Variants in TCF12 observed in about 807,000 individuals in gnomAD.
TCF12 encodes DNA-binding protein HTF4.
TCF12 carries 45 observed loss-of-function variants against 86.0 expected under a neutral mutation model. The observed-to-expected ratio is 0.52, with a 90% CI of 0.41 to 0.67. TCF12 has a LOEUF of 0.67. Ranked by LOEUF, TCF12 falls within the 30% of genes least tolerant of loss-of-function variation. TCF12 has a pLI of 0.00. For synonymous variants in TCF12, 330 were observed against 299.6 expected, an observed-to-expected ratio of 1.10 and a Z score of -1.05; for missense variants, 881 against 859.9, an observed-to-expected ratio of 1.02 and a Z score of -0.31.
intron 3 of TCF12, among the ~76,000 whole-genome samples, chr15:56,975,429 A>G (rs1399071916): frequency 6.6e-6 from 1 of 152,186 alleles, no homozygotes; most frequent in Non-Finnish European, 1.5e-5. Flanking sequence ...GAAGGAAAAT[A>G]TCTGTGAATG....
At chr15:57,189,398 A>T (rs1306041759) in intron 6 of TCF12, among the ~76,000 whole-genome samples, 1 of 152,230 alleles carries the variant, frequency 6.6e-6, no homozygotes, top group Admixed American at 6.5e-5. Flanking sequence ...AACAACAAGA[A>T]GATAACCCAG....
chr15:56,990,975 T>C (rs1234756282), intron 3 of TCF12, among the ~76,000 whole-genome samples: 3 of 151,946 alleles, frequency 2.0e-5, no homozygotes, highest in African/African-American at 7.3e-5. Context: ...TTAAATTTTT[T>C]TGTAGAGATG....
At position 57,253,304 on chromosome 15, in the gene TCF12, A is replaced by G. The variant is rs771298769; in HGVS notation, c.1303A>G (p.Ile435Val). 15 of 1,613,874 alleles carry G rather than the reference A, an allele frequency of 9.3e-6. No individual in the cohort carries two copies. Among genetic ancestry groups the G allele is most frequent in the African/African-American group, 2.7e-5 (2 of 74,892 alleles). ...EDRLDRLDDAIHVLRNHAVGP... is the reference protein window; with the variant it reads ...EDRLDRLDDAVHVLRNHAVGP... ...TCGTTTAGACAGACTGGATGATGCAATCCATGTGCTGCGGAACCATGCTGT... is the reference window on the plus strand; with the variant it reads ...TCGTTTAGACAGACTGGATGATGCAGTCCATGTGCTGCGGAACCATGCTGT... Residue 435 changes from isoleucine to valine, a missense_variant, in exon 16 of 21, where the codon ATC becomes GTC. Ile to Val is a conservative substitution (Grantham distance 29). Transcript: ENST00000333725.
chr15:56,980,091 G>A (rs1283195396), intron 3 of TCF12, among the ~76,000 whole-genome samples: 1 of 152,124 alleles, frequency 6.6e-6, no homozygotes, highest in African/African-American at 2.4e-5. Flanking sequence ...GAGCACGGTG[G>A]CTCATGCTTG....
chr15:56,996,616 G>A (rs1300320247), intron 3 of TCF12, among the ~76,000 whole-genome samples: 3 of 151,758 alleles, frequency 2.0e-5, no homozygotes, highest in Non-Finnish European at 2.9e-5. Context: ...AAAGCAGTTG[G>A]CAACTAAAAG....
At chr15:57,146,848 A>G (rs778550514) in intron 5 of TCF12, among the ~76,000 whole-genome samples, 5 of 152,196 alleles carry the variant, frequency 3.3e-5, no homozygotes, top group Admixed American at 6.5e-5. Flanking sequence ...AGATGGTGTA[A>G]CACACTGTTA....
intron 3 of TCF12, among the ~76,000 whole-genome samples, chr15:56,966,786 A>C (rs1346544422): frequency 6.6e-6 from 1 of 152,226 alleles, no homozygotes; most frequent in Non-Finnish European, 1.5e-5. Flanking sequence ...ATAATTATAA[A>C]TTAAGGTATC....
chr15:57,059,419 C>T (rs1215608777), intron 3 of TCF12, among the ~76,000 whole-genome samples: 1 of 152,134 alleles, frequency 6.6e-6, no homozygotes, highest in Non-Finnish European at 1.5e-5. Flanking sequence ...TGTATGCTGT[C>T]TCCCTGTTTC....
chr15:57,021,772 C>T (rs978028139), intron 3 of TCF12, among the ~76,000 whole-genome samples: 1 of 151,102 alleles, frequency 6.6e-6, no homozygotes, highest in East Asian at 1.9e-4. Context: ...AAGCGTGAAT[C>T]GAAAATACAG....
chr15:57,265,067 A>G (rs1017331650), intron 18 of TCF12, among the ~76,000 whole-genome samples: 8 of 139,470 alleles, frequency 5.7e-5, no homozygotes, highest in African/African-American at 2.2e-4. Flanking sequence ...CTCTAATGAT[A>G]AATAGTATAG....
chr15:57,123,594 A>G (rs538909716), intron 5 of TCF12, among the ~76,000 whole-genome samples: 16 of 151,656 alleles, frequency 1.1e-4, no homozygotes, highest in African/African-American at 3.4e-4. Flanking sequence ...GCTCACTGCA[A>G]CCTCAGCCTC....
chr15:57,104,435 C>A, intron 5 of TCF12, among the ~76,000 whole-genome samples: 1 of 103,342 alleles, frequency 9.7e-6, no homozygotes, highest in African/African-American at 3.4e-5. Flanking sequence ...TTTTTTTTTT[C>A]TTTTTTTTTT....
At chr15:57,162,702 G>A (rs560218781) in intron 5 of TCF12, among the ~76,000 whole-genome samples, 1 of 152,152 alleles carries the variant, frequency 6.6e-6, no homozygotes, top group African/African-American at 2.4e-5. Flanking sequence ...TAAAACTTTA[G>A]GTTTTTTAAA....
intron 4 of TCF12, among the ~76,000 whole-genome samples, chr15:57,082,184 CT>C (rs2048356331): frequency 6.6e-6 from 1 of 152,150 alleles, no homozygotes; most frequent in African/African-American, 2.4e-5. Context: ...TTCAAAAGTA[CT>C]GTCTTAGTGG....
chr15:57,033,351 A>G (rs2066317827), intron 3 of TCF12, among the ~76,000 whole-genome samples: 1 of 152,206 alleles, frequency 6.6e-6, no homozygotes, highest in Admixed American at 6.5e-5. Context: ...GAGAATTTAA[A>G]AAATAATTTT....
intron 18 of TCF12, among the ~76,000 whole-genome samples, chr15:57,264,304 G>A (rs1205475696): frequency 2.2e-5 from 3 of 137,132 alleles, no homozygotes; most frequent in Non-Finnish European, 4.6e-5. Context: ...AGGTTCAAGT[G>A]ATTCTCCTGC....
chr15:56,930,148 A>G (rs2060182450), intron 3 of TCF12, among the ~76,000 whole-genome samples: 1 of 152,192 alleles, frequency 6.6e-6, no homozygotes, highest in Admixed American at 6.5e-5. Flanking sequence ...GCTGTCGGCA[A>G]GAGTTGTGAA....
At chr15:57,150,165 G>A (rs1395219896) in intron 5 of TCF12, among the ~76,000 whole-genome samples, 1 of 152,168 alleles carries the variant, frequency 6.6e-6, no homozygotes, top group African/African-American at 2.4e-5. Flanking sequence ...GAAGCTATGG[G>A]ACTAGGATTT....
rs5812874 is a variant in TCF12, at chr15:57,230,954, T to TAAA, written c.580-188_580-186dup. On this transcript the variant is annotated intron_variant, in intron 8 of 20. Transcript: ENST00000333725. ...TAGTAGTTTTCCCTAATAACCAGCT[T>TAAA]AAAAAAAAAAAACATGTGGATGGTA... Among the ~76,000 whole-genome samples the TAAA allele has an allele frequency of 1.9e-4, 28 of 147,464 alleles. 1 individual carries two copies. Among genetic ancestry groups the TAAA allele is most frequent in the African/African-American group, 6.7e-4 (27 of 40,178 alleles).
Sources: allele counts gnomAD v4.1 joint callset (sites outside exome capture counted in the v4.1 genomes callset), GRCh38; gene constraint gnomAD v4.1.1; transcripts MANE v1.5; gene names NCBI Gene and HGNC (gene_info 2026-07-23, HGNC 2026-07-21).